The following CTNND2 variants were observed in gnomAD, a reference collection of about 807,000 sequenced individuals.
CTNND2 encodes catenin delta 2.
Under a neutral mutation model 144.4 loss-of-function variants are expected in CTNND2, and 22 were observed. The ratio of observed to expected loss-of-function variants is 0.15; its 90% CI spans 0.11 to 0.22. The LOEUF (loss-of-function observed/expected upper bound fraction) is 0.22, where lower values mean the gene tolerates loss of function less well. Among genes scored for constraint, CTNND2 ranks in the 10% least tolerant of loss-of-function variants. The probability of loss-of-function intolerance (pLI) is 1.00; values close to 1 mark genes in which losing one functional copy is unlikely to be tolerated. For missense variants in CTNND2, 1,353 were observed against 1,618.8 expected (o/e 0.84, Z 2.82); for synonymous variants, 751 against 695.6 (o/e 1.08, Z -1.25).
intron 8 of CTNND2, among the ~76,000 whole-genome samples, chr5:11,353,648 C>T (rs1755566475): frequency 6.6e-6 from 1 of 151,942 alleles, no homozygotes; most frequent in African/African-American, 2.4e-5. Flanking sequence ...ACTAAAAATA[C>T]AAAAATTAGT....
chr5:11,049,207 T>C (rs1014473312), intron 16 of CTNND2, among the ~76,000 whole-genome samples: 17 of 152,106 alleles, frequency 1.1e-4, no homozygotes, highest in Non-Finnish European at 2.5e-4. Context: ...CCTCCTGATA[T>C]CTATTCCATA....
chr5:11,301,338 G>C (rs1364777611), intron 9 of CTNND2, among the ~76,000 whole-genome samples: 1 of 151,988 alleles, frequency 6.6e-6, no homozygotes. Flanking sequence ...TCTTACTCTA[G>C]GGTCCAGCAG....
chr5:11,141,651 G>A (rs930512286), intron 12 of CTNND2, among the ~76,000 whole-genome samples: 1 of 152,182 alleles, frequency 6.6e-6, no homozygotes, highest in Admixed American at 6.5e-5. Flanking sequence ...TTAGGGATAG[G>A]AGAAAACAGA....
chr5:11,568,628 G>A (rs184441562), intron 2 of CTNND2, among the ~76,000 whole-genome samples: 1 of 152,272 alleles, frequency 6.6e-6, no homozygotes, highest in African/African-American at 2.4e-5. Context: ...CATTTTTGTG[G>A]CCCAAAGGCA....
intron 20 of CTNND2, chr5:10,986,654 G>A (rs755608312): frequency 1.1e-4 from 48 of 456,092 alleles, no homozygotes; most frequent in Non-Finnish European, 1.9e-4. Flanking sequence ...TCCATGTAAT[G>A]AGTTAGGTTC....
At chr5:11,545,814 T>C (rs2150076525) in intron 3 of CTNND2, among the ~76,000 whole-genome samples, 1 of 152,246 alleles carries the variant, frequency 6.6e-6, no homozygotes, top group South Asian at 2.1e-4. Flanking sequence ...TGAATGTTCA[T>C]AGCAGAATTA....
At chr5:11,439,809 A>G (rs1006080567) in intron 3 of CTNND2, among the ~76,000 whole-genome samples, 8 of 150,654 alleles carry the variant, frequency 5.3e-5, no homozygotes, top group East Asian at 3.9e-4. Flanking sequence ...TCTTATATAT[A>G]TGTGTGTATA....
At chr5:11,828,217 G>C (rs1478294281) in intron 1 of CTNND2, among the ~76,000 whole-genome samples, 1 of 152,124 alleles carries the variant, frequency 6.6e-6, no homozygotes, top group Non-Finnish European at 1.5e-5. Flanking sequence ...AGTCTCATAA[G>C]ATCTGATGGT....
chr5:11,489,832 C>T (rs527625921), intron 3 of CTNND2, among the ~76,000 whole-genome samples: 1 of 152,312 alleles, frequency 6.6e-6, no homozygotes, highest in African/African-American at 2.4e-5. Flanking sequence ...GCAGGCACAG[C>T]TGTGTGTGAA....
chr5:11,167,158 C>T lies in CTNND2; in HGVS notation c.1976-7399G>A, dbSNP rs116177934. Reference sequence around the variant, plus strand: ...CATTCTAGGCTGAGTCTCAGAGAGCCGGCAATGGGAAGAAAGGGCCTCTGA... The same window carrying T: ...CATTCTAGGCTGAGTCTCAGAGAGCTGGCAATGGGAAGAAAGGGCCTCTGA... On this transcript the variant is annotated intron_variant, in intron 11 of 21. Coordinates refer to ENST00000304623, the MANE Select transcript of CTNND2 (RefSeq NM_001332.4). Among the ~76,000 whole-genome samples the T allele has an allele frequency of 2.1e-3, 320 of 152,126 alleles. 1 individual carries two copies. Among genetic ancestry groups the T allele is most frequent in the African/African-American group, 6.7e-3 (279 of 41,486 alleles).
At chr5:11,547,372 T>C (rs936590538) in intron 3 of CTNND2, among the ~76,000 whole-genome samples, 12 of 152,116 alleles carry the variant, frequency 7.9e-5, no homozygotes, top group Admixed American at 7.2e-4. Context: ...TGGGAAATTA[T>C]TTAAATGTTG....
At position 11,778,825 on chromosome 5, in the gene CTNND2, C is replaced by T. The variant is rs182799290; in HGVS notation, c.38-46553G>A. The stretch of plus-strand genomic sequence containing the variant: ...CATTAATCATGCCAAATGTACCATG[C>T]GAATGCAAAACTTTAATAATGGAGG... On this transcript the variant is annotated intron_variant, in intron 1 of 21. Coordinates refer to ENST00000304623, the MANE Select transcript of CTNND2 (RefSeq NM_001332.4). 3.7e-4 allele frequency among the ~76,000 whole-genome samples: 57 copies of T among 152,232 alleles called. No homozygotes were observed. In the East Asian group the frequency reaches 9.3e-3, roughly 25 times the overall value.
At chr5:10,982,304 T>TA (rs1350212058) in intron 20 of CTNND2, among the ~76,000 whole-genome samples, 1 of 152,260 alleles carries the variant, frequency 6.6e-6, no homozygotes, top group Admixed American at 6.5e-5. Flanking sequence ...GTTCATTTCT[T>TA]ACAGACCCAA....
intron 12 of CTNND2, among the ~76,000 whole-genome samples, chr5:11,137,854 T>G (rs528489492): frequency 6.6e-6 from 1 of 152,334 alleles, no homozygotes; most frequent in East Asian, 1.9e-4. Context: ...TGACCCTGTA[T>G]TAGCTTTTTG....
chr5:10,975,046 A>T (rs899597695), intron 21 of CTNND2, among the ~76,000 whole-genome samples: 2 of 152,226 alleles, frequency 1.3e-5, no homozygotes, highest in African/African-American at 4.8e-5. Context: ...AAAAGTCCAT[A>T]GAGGATAAAC....
intron 2 of CTNND2, among the ~76,000 whole-genome samples, chr5:11,700,693 T>C (rs1785392872): frequency 6.6e-6 from 1 of 152,174 alleles, no homozygotes; most frequent in African/African-American, 2.4e-5. Flanking sequence ...ACTAGTTGAA[T>C]AGAAGATTAT....
At chr5:11,236,859 G>C (rs1239509468) in intron 9 of CTNND2, 36 bp from the exon 10 acceptor site, 3 of 1,610,698 alleles carry the variant, frequency 1.9e-6, no homozygotes, top group Admixed American at 1.7e-5. Context: ...GAATATGAGA[G>C]AGAAATCCTA....
intron 12 of CTNND2, among the ~76,000 whole-genome samples, chr5:11,127,547 G>C (rs979017978): frequency 6.6e-6 from 1 of 152,216 alleles, no homozygotes; most frequent in Non-Finnish European, 1.5e-5. Context: ...AGCTGAGGCT[G>C]ACGTTCGATA....
chr5:11,904,409 G>A lies in CTNND2; in HGVS notation c.-556C>T, dbSNP rs1053783314. Among the ~76,000 whole-genome samples, 21 of 151,726 alleles carry A rather than the reference G, an allele frequency of 1.4e-4. No individual in the cohort carries two copies. The highest frequency in any genetic ancestry group is 5.9e-5 in the Non-Finnish European group (4 of 67,906). Reference sequence around the variant, plus strand: ...CCGGCCCGGGCGCCCGGCTAGTGAGGGAGCGTCCGCCCCGCCGCCGAAACC... The same window carrying A: ...CCGGCCCGGGCGCCCGGCTAGTGAGAGAGCGTCCGCCCCGCCGCCGAAACC... On this transcript the variant is annotated 5_prime_UTR_variant, in exon 1 of 22. Coordinates refer to ENST00000304623, the MANE Select transcript of CTNND2 (RefSeq NM_001332.4). The surrounding 1 kb of genome is among the most constrained non-coding windows in gnomAD (Gnocchi z 4.2).
Sources: allele counts gnomAD v4.1 joint callset (sites outside exome capture counted in the v4.1 genomes callset), GRCh38; gene constraint gnomAD v4.1.1; non-coding constraint Gnocchi (gnomAD v3.1); transcripts MANE v1.5; gene names NCBI Gene and HGNC (gene_info 2026-07-23, HGNC 2026-07-21).